Variants in PDZRN3 observed in about 807,000 individuals in gnomAD.
PDZRN3 encodes PDZ domain containing ring finger 3, also known as E3 ubiquitin-protein ligase PDZRN3.
A neutral mutation model predicts 85.7 loss-of-function variants in PDZRN3; 38 were observed. That is an observed-to-expected ratio of 0.44 (90% CI 0.34 to 0.58). The LOEUF is 0.58. Ranked by LOEUF, PDZRN3 falls within the 20% of genes least tolerant of loss-of-function variation. PDZRN3 has a pLI of 0.01. For synonymous variants in PDZRN3, 759 were observed against 638.0 expected (o/e 1.19, Z -2.86); for missense variants, 1,629 against 1,506.4 (o/e 1.08, Z -1.35).
chr3:73,441,105 A>G (rs896961678), intron 3 of PDZRN3, among the ~76,000 whole-genome samples: 2 of 152,198 alleles, frequency 1.3e-5, no homozygotes, highest in African/African-American at 2.4e-5. Context: ...AGATACTTAT[A>G]TAACAACCAT....
chr3:73,417,343 C>T (rs911154113), intron 3 of PDZRN3, among the ~76,000 whole-genome samples: 1 of 152,162 alleles, frequency 6.6e-6, no homozygotes, highest in Non-Finnish European at 1.5e-5. Context: ...GCAGGGCAGC[C>T]CTTGCTGCTC....
chr3:73,460,023 T>G (rs536081302), intron 3 of PDZRN3, among the ~76,000 whole-genome samples: 3 of 152,216 alleles, frequency 2.0e-5, no homozygotes, highest in African/African-American at 7.2e-5. Flanking sequence ...AATCTGTTAT[T>G]GTTAGAATTC....
chr3:73,495,011 G>A (rs1703841227), intron 3 of PDZRN3, among the ~76,000 whole-genome samples: 1 of 152,076 alleles, frequency 6.6e-6, no homozygotes, highest in South Asian at 2.1e-4. Context: ...GCAGACACTG[G>A]GGACTACTAG....
chr3:73,387,748 A>T lies in PDZRN3; in HGVS notation c.1518+220T>A, dbSNP rs577200117. On this transcript the variant is annotated intron_variant, in intron 8 of 9. Transcript: ENST00000263666. ...TTCCCTATGATCCCTGCATTAATGA[A>T]CGTCGTGGGCCTGCAGTATAGATGC... Among the ~76,000 whole-genome samples, 3 of 152,214 alleles carry T rather than the reference A, an allele frequency of 2.0e-5. No homozygotes were observed. The East Asian group carries it at 5.8e-4, about 29-fold the overall frequency.
intron 3 of PDZRN3, among the ~76,000 whole-genome samples, chr3:73,566,013 T>G (rs187865697): frequency 2.5e-3 from 381 of 152,200 alleles, no homozygotes; most frequent in Non-Finnish European, 3.7e-3. Flanking sequence ...TCCAGAAAAG[T>G]CAAACAGCTG....
intron 3 of PDZRN3, among the ~76,000 whole-genome samples, chr3:73,487,874 C>G (rs1397897513): frequency 1.3e-5 from 2 of 152,182 alleles, no homozygotes; most frequent in African/African-American, 4.8e-5. Context: ...GGCCATTTCA[C>G]AACAGGGCAA....
chr3:73,515,258 C>T (rs1478822429), intron 3 of PDZRN3, among the ~76,000 whole-genome samples: 2 of 146,770 alleles, frequency 1.4e-5, no homozygotes, highest in African/African-American at 5.1e-5. Flanking sequence ...TCACTGCAAG[C>T]TCCGCCTCCC....
At chr3:73,616,768 T>C (rs908084403) in intron 1 of PDZRN3, among the ~76,000 whole-genome samples, 2 of 152,210 alleles carry the variant, frequency 1.3e-5, no homozygotes, top group African/African-American at 4.8e-5. Context: ...TGTGCCCTTA[T>C]GTACATCATC....
rs1197238905 is a variant in PDZRN3 at position 73,463,171 on chromosome 3, G to A, written c.919-58776C>T. ...CCATGGCCAAATTCCTGCTTTCCCA[G>A]GGCTCGCTGCATTGTGACTTCAACC... On this transcript the variant is annotated intron_variant, in intron 3 of 9. Transcript: ENST00000263666. Among the ~76,000 whole-genome samples, 5 of 152,188 alleles carry A rather than the reference G, an allele frequency of 3.3e-5. 1 individual carries two copies. The highest frequency in any genetic ancestry group is 3.3e-4 in the Admixed American group (5 of 15,272).
At chr3:73,607,582 G>A (rs926832945) in intron 2 of PDZRN3, among the ~76,000 whole-genome samples, 3 of 152,108 alleles carry the variant, frequency 2.0e-5, no homozygotes, top group African/African-American at 4.8e-5. Flanking sequence ...GCATCTTCTC[G>A]TCCTTTAGGT....
intron 3 of PDZRN3, among the ~76,000 whole-genome samples, chr3:73,483,654 G>C (rs1703609491): frequency 6.6e-6 from 1 of 152,210 alleles, no homozygotes; most frequent in South Asian, 2.1e-4. Context: ...ATGAAATCTA[G>C]AAATGACAAC....
chr3:73,499,917 G>C (rs1575693123), intron 3 of PDZRN3, among the ~76,000 whole-genome samples: 1 of 152,174 alleles, frequency 6.6e-6, no homozygotes, highest in East Asian at 1.9e-4. Flanking sequence ...CTAGACCACA[G>C]CTGGCCACAC....
intron 3 of PDZRN3, among the ~76,000 whole-genome samples, chr3:73,468,614 A>G (rs1017991117): frequency 6.6e-6 from 1 of 152,158 alleles, no homozygotes; most frequent in African/African-American, 2.4e-5. Flanking sequence ...CTTATACACA[A>G]AAGGCATCAT....
rs577464075 is a variant in PDZRN3, at chr3:73,555,918, C to T, written c.918+46436G>A. On this transcript the variant is annotated intron_variant, in intron 3 of 9. Transcript: ENST00000263666. ...ACACACATAAATTCAATTGTAACTC[C>T]AGTACTTAATACATGCAGAGTACTG... Among the ~76,000 whole-genome samples the T allele has an allele frequency of 4.6e-5, 7 of 152,290 alleles. No homozygotes were observed. In the East Asian group the frequency reaches 7.7e-4, roughly 17 times the overall value.
chr3:73,418,324 T>C (rs566004424), intron 3 of PDZRN3, among the ~76,000 whole-genome samples: 1 of 152,316 alleles, frequency 6.6e-6, no homozygotes, highest in South Asian at 2.1e-4. Flanking sequence ...TTGTGGAAAG[T>C]ATGAACTGGG....
chr3:73,614,144 A>G (rs1216140328), intron 1 of PDZRN3, among the ~76,000 whole-genome samples: 6 of 152,226 alleles, frequency 3.9e-5, no homozygotes, highest in African/African-American at 9.6e-5. Flanking sequence ...TAATCTTCTC[A>G]GCTTTCAACT....
At chr3:73,581,215 TATG>T (rs1702198228) in intron 3 of PDZRN3, among the ~76,000 whole-genome samples, 2 of 152,230 alleles carry the variant, frequency 1.3e-5, no homozygotes, top group South Asian at 2.1e-4. Context: ...ATGGTTTGCT[TATG>T]ATGTTTTTTA....
At chr3:73,546,122 C>T (rs1261566316) in intron 3 of PDZRN3, among the ~76,000 whole-genome samples, 3 of 152,112 alleles carry the variant, frequency 2.0e-5, no homozygotes, top group South Asian at 2.1e-4. Context: ...ACAGGGTAGG[C>T]ACTCAATATA....
chr3:73,587,950 T>C (rs1234733691), intron 3 of PDZRN3, among the ~76,000 whole-genome samples: 1 of 152,148 alleles, frequency 6.6e-6, no homozygotes, highest in Non-Finnish European at 1.5e-5. Context: ...TACTTGTTTT[T>C]TAAAAAAATT....
Sources: allele counts gnomAD v4.1 joint callset (sites outside exome capture counted in the v4.1 genomes callset), GRCh38; gene constraint gnomAD v4.1.1; transcripts MANE v1.5; gene names NCBI Gene and HGNC (gene_info 2026-07-23, HGNC 2026-07-21).